NECAB2: variants seen among roughly 807,000 people sequenced by gnomAD.
NECAB2 encodes the protein N-terminal EF-hand calcium-binding protein 2.
Under a neutral mutation model 51.9 loss-of-function variants are expected in NECAB2, and 68 were observed. The ratio of observed to expected loss-of-function variants is 1.31; its 90% CI spans 1.08 to 1.60. The LOEUF (loss-of-function observed/expected upper bound fraction) is 1.60. Among genes scored for constraint, NECAB2 ranks in the 40% most tolerant of loss-of-function variants. The probability of loss-of-function intolerance (pLI) is 0.00; values close to 1 mark genes in which losing one functional copy is unlikely to be tolerated. For missense variants in NECAB2, 854 were observed against 490.3 expected (o/e 1.74, Z -7.00); for synonymous variants, 329 against 203.5 (o/e 1.62, Z -5.25).
intron 10 of NECAB2, among the ~76,000 whole-genome samples, chr16:84,000,244 T>C (rs1280136378): frequency 6.6e-6 from 1 of 152,158 alleles, no homozygotes; most frequent in African/African-American, 2.4e-5. Context: ...TAACATGACA[T>C]TTCAGCTGGG....
rs1555548107 is a variant in NECAB2 at position 83,992,386 on chromosome 16, C to CCA, written c.596+1758_596+1759dup. Reference sequence around the variant, plus strand: ...GGAACACGAGCACCCGTCCCCCCGCCCACCTCCATTTGCTGTTTCAAATTG... The same window carrying CCA: ...GGAACACGAGCACCCGTCCCCCCGCCCACACCTCCATTTGCTGTTTCAAATTG... On this transcript the variant is annotated intron_variant, in intron 6 of 12. Transcript: ENST00000305202. 1.2e-4 allele frequency among the ~76,000 whole-genome samples: 18 copies of CCA among 148,772 alleles called. 1 individual carries two copies. Among genetic ancestry groups the CCA allele is most frequent in the African/African-American group, 4.6e-4 (18 of 39,238 alleles).
rs980706331 is a variant in NECAB2, at chr16:84,002,409, T to A, written c.*63T>A. The A allele has an allele frequency of 2.7e-6, 4 of 1,462,118 alleles. No homozygotes were observed. The highest frequency in any genetic ancestry group is 3.5e-5 in the African/African-American group (2 of 57,552). 90.6% of individuals were successfully genotyped at this position (1,462,118 alleles called of 1,614,324 possible). A position where few individuals can be genotyped will look rare whatever the true frequency, so the allele number is the denominator to read the frequency against. On this transcript the variant is annotated 3_prime_UTR_variant, in exon 13 of 13. Transcript: ENST00000305202. ...CTTCTTCTTGTGAAGGAAATCCCGTTTTTTTCTAGACAGACACTTTGGTGC... is the reference window on the plus strand; with the variant it reads ...CTTCTTCTTGTGAAGGAAATCCCGTATTTTTCTAGACAGACACTTTGGTGC...
chr16:83,995,573 A>G (rs2084686886), intron 8 of NECAB2, among the ~76,000 whole-genome samples: 1 of 152,234 alleles, frequency 6.6e-6, no homozygotes, highest in Non-Finnish European at 1.5e-5. Flanking sequence ...GCACACCCGT[A>G]TACCCACATA....
chr16:83,998,799 C>G (rs568412943), intron 10 of NECAB2, among the ~76,000 whole-genome samples: 1 of 136,150 alleles, frequency 7.3e-6, no homozygotes, highest in Non-Finnish European at 1.5e-5. Context: ...TGTAGTTGCC[C>G]TTCTCCCCCT....
chr16:84,000,938 C>T (rs533220217), intron 11 of NECAB2, 137 bp downstream of exon 11: 4 of 810,404 alleles, frequency 4.9e-6, no homozygotes, highest in African/African-American at 3.4e-5. Flanking sequence ...TACCCGCTGG[C>T]ATGCTTGCGT....
chr16:83,990,951 ACTATT>A (rs1185259339), intron 6 of NECAB2, among the ~76,000 whole-genome samples: 2 of 152,142 alleles, frequency 1.3e-5, no homozygotes, highest in Non-Finnish European at 2.9e-5. Context: ...TTTATGCAGA[ACTATT>A]CTGTTGTTTG....
intron 11 of NECAB2, among the ~76,000 whole-genome samples, chr16:84,001,349 A>G (rs111389730): frequency 6.9e-4 from 105 of 152,060 alleles, no homozygotes; most frequent in African/African-American, 2.4e-3. Flanking sequence ...GGGGTAGCCC[A>G]TGCCCCCATC....
chr16:84,001,063 C>A (rs74032364), intron 11 of NECAB2, among the ~76,000 whole-genome samples: 1 of 152,012 alleles, frequency 6.6e-6, no homozygotes, highest in Non-Finnish European at 1.5e-5. Context: ...AGCACCTTGT[C>A]CTCCTGGAAC....
intron 12 of NECAB2, among the ~76,000 whole-genome samples, 197 bp from the exon 13 acceptor site, chr16:84,002,121 T>A (rs1706667177): frequency 6.6e-6 from 1 of 152,040 alleles, no homozygotes; most frequent in African/African-American, 2.4e-5. Context: ...GAGCACCCCC[T>A]CCACGGCCCC....
rs1213628488 is a variant in NECAB2 at position 83,998,208 on chromosome 16, C to G, written c.853C>G (p.Leu285Val). ...TGACTCCTGCTGTGCCCGGCAGCAC[C>G]TGCAGCTGGTCCGGCAGGAGATGGC... The part of the protein sequence containing the change: ...LSDEDGTNMH[L>V]QLVRQEMAVC... Residue 285 changes from leucine (L) to valine (V), a missense_variant, in exon 10 of 13, where the codon CTG (leucine) becomes GTG (valine). Physicochemically the swap from Leu to Val is conservative, Grantham distance 32. Coordinates refer to ENST00000305202, the MANE Select transcript of NECAB2 (RefSeq NM_019065.3). 1 of 1,609,196 alleles carries G rather than the reference C, an allele frequency of 6.2e-7. No homozygotes were observed. The highest frequency in any genetic ancestry group is 1.3e-5 in the African/African-American group (1 of 75,054).
intron 9 of NECAB2, 64 bp downstream of exon 9, chr16:83,997,333 C>A: frequency 1.2e-6 from 2 of 1,603,348 alleles, no homozygotes; most frequent in Non-Finnish European, 1.7e-6. Context: ...CTGCCAAGAT[C>A]CAAGTGGCTC....
chr16:83,975,507 T>C (rs530135567), intron 2 of NECAB2, among the ~76,000 whole-genome samples: 2 of 152,172 alleles, frequency 1.3e-5, no homozygotes, highest in African/African-American at 4.8e-5. Flanking sequence ...GGGTGCAAAC[T>C]CAAAGGACCC....
intron 6 of NECAB2, among the ~76,000 whole-genome samples, chr16:83,991,976 C>T (rs1382555619): frequency 6.6e-6 from 1 of 152,154 alleles, no homozygotes; most frequent in Admixed American, 6.5e-5. Context: ...AATTAGAAAG[C>T]AGTTTAGGAA....
chr16:83,968,589 G>A lies in NECAB2; in HGVS notation c.-60G>A. 1.0e-6 allele frequency: 1 copy of A among 972,752 alleles called. No homozygotes were observed. The highest frequency in any genetic ancestry group is 1.2e-6 in the Non-Finnish European group (1 of 821,352). The allele number at this position is 972,752 out of a possible 1,614,324, so 60.3% of individuals were successfully genotyped here. ...AGCGCGGGGAGGGGGTCGCGCGGGG[G>A]CGGGCCGCAGCTGGGCGGGGGTCGG... On this transcript the variant is annotated 5_prime_UTR_variant, in exon 1 of 13. Transcript: ENST00000305202.
chr16:83,980,486 A>T (rs907346180), intron 3 of NECAB2, among the ~76,000 whole-genome samples: 1 of 152,112 alleles, frequency 6.6e-6, no homozygotes, highest in Admixed American at 6.5e-5. Context: ...AGTGGGTCAG[A>T]TGAGAGCTTT....
chr16:83,990,234 A>C (rs1202124326), intron 5 of NECAB2, among the ~76,000 whole-genome samples: 1 of 152,168 alleles, frequency 6.6e-6, no homozygotes. Context: ...TAGATGCTTC[A>C]GTGACCCCAT....
chr16:83,990,058 A>G (rs947304134), intron 5 of NECAB2, among the ~76,000 whole-genome samples: 17 of 152,198 alleles, frequency 1.1e-4, no homozygotes, highest in Non-Finnish European at 2.4e-4. Context: ...CCTGATCATT[A>G]TCCTTGTCAC....
chr16:83,994,167 C>T, intron 6 of NECAB2, 135 bp from the exon 7 acceptor site: 2 of 792,034 alleles, frequency 2.5e-6, no homozygotes, highest in Non-Finnish European at 4.2e-6. Context: ...TCTGTCAAAA[C>T]AAAGGCCATG....
At chr16:83,999,124 T>A (rs1019425240) in intron 10 of NECAB2, among the ~76,000 whole-genome samples, 1 of 151,888 alleles carries the variant, frequency 6.6e-6, no homozygotes, top group Admixed American at 6.6e-5. Flanking sequence ...TTGAGAGGGG[T>A]CTTCTTGGGC....
Sources: gnomAD v4.1 joint callset for allele counts (sites outside exome capture counted in the v4.1 genomes callset) on GRCh38, gnomAD v4.1.1 for gene constraint, MANE v1.5 for transcripts, NCBI Gene and HGNC (gene_info 2026-07-23, HGNC 2026-07-21) for gene names.